SLC16A10: variants seen among roughly 807,000 people sequenced by gnomAD.
SLC16A10 encodes the protein monocarboxylate transporter 10.
A neutral mutation model predicts 40.0 loss-of-function variants in SLC16A10; 27 were observed. The observed-to-expected ratio is 0.67, with a 90% CI of 0.50 to 0.93. The LOEUF is 0.93. SLC16A10 is among the 40% of genes least tolerant of loss of function. SLC16A10 has a pLI of 0.00. For synonymous variants in SLC16A10, 213 were observed against 249.8 expected (o/e 0.85, Z 1.39); for missense variants, 529 against 658.2 (o/e 0.80, Z 2.15).
Position 111,222,945 on chromosome 6 carries a change from A to C in SLC16A10, c.*710A>C, listed in dbSNP as rs966928882. 1 of 152,228 alleles carries C rather than the reference A, an allele frequency of 6.6e-6. No homozygotes were observed. Among genetic ancestry groups the C allele is most frequent in the Non-Finnish European group, 1.5e-5 (1 of 68,036 alleles). The allele number at this position is 152,228 out of a possible 1,614,324, so 9.4% of individuals were successfully genotyped here. A position where few individuals can be genotyped will look rare whatever the true frequency, so the allele number is the denominator to read the frequency against. On this transcript the variant is annotated 3_prime_UTR_variant, in exon 6 of 6. Coordinates refer to ENST00000368851, the MANE Select transcript of SLC16A10 (RefSeq NM_018593.5). The stretch of plus-strand genomic sequence containing the variant: ...TTGCGTTTGCAGTGCGTTTTACTCA[A>C]GTAGCCAGAAACACCCCACGTTTCT...
At chr6:111,131,550 A>G (rs1013433191) in intron 1 of SLC16A10, among the ~76,000 whole-genome samples, 3 of 152,122 alleles carry the variant, frequency 2.0e-5, no homozygotes, top group African/African-American at 4.8e-5. Context: ...GTTCTGCCCT[A>G]TTCTTCATTG....
intron 3 of SLC16A10, among the ~76,000 whole-genome samples, chr6:111,190,968 TCTGCAGCTGG>T (rs779218694): frequency 2.0e-5 from 3 of 152,262 alleles, no homozygotes; most frequent in Non-Finnish European, 4.4e-5. Context: ...TCTGCAAATG[TCTGCAGCTGG>T]CTTGAACTTC....
At chr6:111,201,438 T>C (rs1277718446) in intron 3 of SLC16A10, among the ~76,000 whole-genome samples, 2 of 152,218 alleles carry the variant, frequency 1.3e-5, no homozygotes, top group Admixed American at 6.5e-5. Context: ...GTTAGCACTT[T>C]GTAGTTGTCA....
chr6:111,119,693 G>A (rs537506606), intron 1 of SLC16A10, among the ~76,000 whole-genome samples: 1 of 152,324 alleles, frequency 6.6e-6, no homozygotes, highest in South Asian at 2.1e-4. Context: ...ATTTGGAGAT[G>A]GGACCTTGAC....
intron 1 of SLC16A10, among the ~76,000 whole-genome samples, chr6:111,131,223 G>A (rs1275452520): frequency 6.6e-6 from 1 of 152,234 alleles, no homozygotes; most frequent in Non-Finnish European, 1.5e-5. Flanking sequence ...CTGCACCTCT[G>A]GTCCAGCGAG....
intron 1 of SLC16A10, among the ~76,000 whole-genome samples, chr6:111,131,395 T>A (rs900966969): frequency 1.3e-5 from 2 of 152,116 alleles, no homozygotes; most frequent in African/African-American, 4.8e-5. Context: ...GAACCCCAGG[T>A]CAGAGAAGAA....
At chr6:111,205,463 T>C (rs1773239309) in intron 3 of SLC16A10, among the ~76,000 whole-genome samples, 3 of 152,190 alleles carry the variant, frequency 2.0e-5, no homozygotes, top group Admixed American at 1.3e-4. Context: ...CTGTTATAAG[T>C]ACACTAAGTG....
At chr6:111,132,098 A>C (rs1365342830) in intron 1 of SLC16A10, among the ~76,000 whole-genome samples, 1 of 152,074 alleles carries the variant, frequency 6.6e-6, no homozygotes, top group Non-Finnish European at 1.5e-5. Flanking sequence ...CTCCCAATTT[A>C]GGCATACAGC....
rs756207892 is a variant in SLC16A10 at position 111,172,667 on chromosome 6, T to TC, written c.344-22dup. 19 of 1,603,002 alleles carry TC rather than the reference T, an allele frequency of 1.2e-5. No homozygotes were observed. In the African/African-American group the frequency reaches 1.7e-4, roughly 15 times the overall value. On this transcript the variant is annotated intron_variant, in intron 1 of 5. Coordinates refer to ENST00000368851, the MANE Select transcript of SLC16A10 (RefSeq NM_018593.5). ...CAAATATAACTTACCATGTCATAAT[T>TC]CCCCCCACGCTTTCCCTTCTTTTAC... is the stretch of plus-strand genomic sequence containing the variant.
At chr6:111,115,406 G>A (rs927889430) in intron 1 of SLC16A10, among the ~76,000 whole-genome samples, 6 of 152,160 alleles carry the variant, frequency 3.9e-5, no homozygotes, top group African/African-American at 1.2e-4. Context: ...ACAAGGTTTT[G>A]CCAAGTTGGC....
At chr6:111,197,286 A>G (rs1773094814) in intron 3 of SLC16A10, among the ~76,000 whole-genome samples, 1 of 152,192 alleles carries the variant, frequency 6.6e-6, no homozygotes, top group Non-Finnish European at 1.5e-5. Flanking sequence ...GGTTAGAAGA[A>G]AGGTAGAATT....
chr6:111,182,221 G>A (rs1442065710), intron 3 of SLC16A10, among the ~76,000 whole-genome samples: 2 of 151,092 alleles, frequency 1.3e-5, no homozygotes, highest in South Asian at 2.1e-4. Flanking sequence ...GGCTGGTCCC[G>A]AACTCCTGAC....
intron 1 of SLC16A10, among the ~76,000 whole-genome samples, chr6:111,121,820 C>G (rs1021062765): frequency 1.3e-5 from 2 of 152,142 alleles, no homozygotes; most frequent in Non-Finnish European, 2.9e-5. Context: ...CTGTCAGCAT[C>G]TTGAAAATTT....
chr6:111,175,537 CAA>C (rs764471545), intron 2 of SLC16A10, among the ~76,000 whole-genome samples: 51 of 152,088 alleles, frequency 3.4e-4, no homozygotes, highest in Non-Finnish European at 6.0e-4. Flanking sequence ...TAAATAAAAA[CAA>C]ATAAGCACTT....
At chr6:111,088,926 G>T (rs1770924032) in intron 1 of SLC16A10, among the ~76,000 whole-genome samples, 1 of 151,928 alleles carries the variant, frequency 6.6e-6, no homozygotes, top group Non-Finnish European at 1.5e-5. Context: ...ACTTTATCCT[G>T]CAAGGTGAGC....
At chr6:111,106,828 C>T (rs1771292597) in intron 1 of SLC16A10, among the ~76,000 whole-genome samples, 1 of 152,170 alleles carries the variant, frequency 6.6e-6, no homozygotes, top group Admixed American at 6.5e-5. Flanking sequence ...TACATTGATA[C>T]ACTGTCTTGT....
At chr6:111,200,630 A>G (rs983185073) in intron 3 of SLC16A10, among the ~76,000 whole-genome samples, 29 of 152,196 alleles carry the variant, frequency 1.9e-4, no homozygotes, top group Admixed American at 1.8e-3. Context: ...CATTCAGAAG[A>G]TTTCTGTTCA....
chr6:111,117,887 A>G (rs1771517090), intron 1 of SLC16A10, among the ~76,000 whole-genome samples: 1 of 152,222 alleles, frequency 6.6e-6, no homozygotes, highest in African/African-American at 2.4e-5. Context: ...TTAGGACTTC[A>G]AATCTAGTGC....
intron 3 of SLC16A10, among the ~76,000 whole-genome samples, chr6:111,205,526 A>G (rs975144918): frequency 6.6e-6 from 1 of 152,248 alleles, no homozygotes; most frequent in Non-Finnish European, 1.5e-5. Flanking sequence ...CCTGATTGTT[A>G]TTAACTGTGT....
Sources: gnomAD v4.1 joint callset for allele counts (sites outside exome capture counted in the v4.1 genomes callset) on GRCh38, gnomAD v4.1.1 for gene constraint, MANE v1.5 for transcripts, NCBI Gene and HGNC (gene_info 2026-07-23, HGNC 2026-07-21) for gene names.